ANK2: variants seen among roughly 807,000 people sequenced by gnomAD.
The protein encoded by ANK2 is ankyrin 2.
ANK2 carries 83 observed loss-of-function variants against 360.5 expected under a neutral mutation model. The ratio of observed to expected loss-of-function variants is 0.23; its 90% CI spans 0.19 to 0.28. The LOEUF is 0.28. ANK2 is among the 10% of genes least tolerant of loss of function. The pLI is 1.00. For synonymous variants in ANK2, 1,740 were observed against 1,759.5 expected (o/e 0.99, Z 0.28); for missense variants, 4,201 against 4,795.7 (o/e 0.88, Z 3.66).
chr4:112,969,376 C>T (rs1217966454), intron 2 of ANK2, among the ~76,000 whole-genome samples: 6 of 152,164 alleles, frequency 3.9e-5, no homozygotes, highest in South Asian at 2.1e-4. Flanking sequence ...TGGCCTAGTC[C>T]GCAATTTTCC....
At chr4:112,779,989 G>A in the ANK2 span, among the ~76,000 whole-genome samples, 4 of 152,238 alleles carry the variant, frequency 2.6e-5, no homozygotes, top group Admixed American at 2.6e-4. Flanking sequence ...TTGGGAGGCC[G>A]AGGTGGGCGG....
chr4:112,957,806 C>T (rs1202237266), intron 2 of ANK2, among the ~76,000 whole-genome samples: 9 of 145,474 alleles, frequency 6.2e-5, no homozygotes, highest in African/African-American at 1.0e-4. Flanking sequence ...GACGGGGCGG[C>T]TGCCGGGCGG....
At chr4:112,957,364 A>G (rs1208317957) in intron 2 of ANK2, among the ~76,000 whole-genome samples, 1 of 152,224 alleles carries the variant, frequency 6.6e-6, no homozygotes, top group Non-Finnish European at 1.5e-5. Context: ...CACAAGGCAG[A>G]AGAATTTTTC....
rs146451704 is a variant in ANK2, at chr4:113,367,247, G to T, written c.11033-319G>T. 2.5e-3 allele frequency among the ~76,000 whole-genome samples: 387 copies of T among 152,072 alleles called. 1 individual carries two copies. The highest frequency in any genetic ancestry group is 8.8e-3 in the African/African-American group (364 of 41,476). On this transcript the variant is annotated intron_variant, in intron 41 of 45. Coordinates refer to ENST00000357077, the MANE Select transcript of ANK2 (RefSeq NM_001148.6). ...TCAGTCAATTCCCACTTGCCATTAG[G>T]TCTCCTTGGCATGTAACACACTCTG...
chr4:113,051,012 T>C (rs1417226329), intron 1 of ANK2, among the ~76,000 whole-genome samples: 1 of 152,134 alleles, frequency 6.6e-6, no homozygotes, highest in African/African-American at 2.4e-5. Context: ...AATCATAGCG[T>C]AGAGATAGTG....
At chr4:112,746,787 C>T in the ANK2 span, among the ~76,000 whole-genome samples, 17 of 152,154 alleles carry the variant, frequency 1.1e-4, no homozygotes, top group African/African-American at 4.1e-4. Flanking sequence ...ACATTTTAAT[C>T]ATGCATAATA....
intron 13 of ANK2, among the ~76,000 whole-genome samples, chr4:113,258,658 A>G (rs570668316): frequency 6.6e-6 from 1 of 152,352 alleles, no homozygotes; most frequent in South Asian, 2.1e-4. Flanking sequence ...CTCTGGGTGT[A>G]GGTGGATTGA....
At chr4:113,368,644 T>C (rs978749845) in intron 42 of ANK2, among the ~76,000 whole-genome samples, 1 of 152,174 alleles carries the variant, frequency 6.6e-6, no homozygotes, top group African/African-American at 2.4e-5. Context: ...AGTCTGAGAA[T>C]AGGGTGTCAT....
At chr4:112,802,846 T>C in the ANK2 span, among the ~76,000 whole-genome samples, 1 of 152,170 alleles carries the variant, frequency 6.6e-6, no homozygotes, top group Non-Finnish European at 1.5e-5. Context: ...CGAGGTGATA[T>C]GTTAGGAATC....
rs561270642 is a variant in ANK2 at position 113,192,613 on chromosome 4, C to T, written c.187-3755C>T. 3.3e-5 allele frequency among the ~76,000 whole-genome samples: 5 copies of T among 152,222 alleles called. No individual in the cohort carries two copies. In the South Asian group the frequency reaches 1.0e-3, roughly 32 times the overall value. The stretch of plus-strand genomic sequence containing the variant: ...TGAGTTTGGATTTTTTGCTCTTCCT[C>T]TTATAAGTGGTAGTGATCTTTGAGG... On this transcript the variant is annotated intron_variant, in intron 2 of 45. Coordinates refer to ENST00000357077, the MANE Select transcript of ANK2 (RefSeq NM_001148.6).
At chr4:113,350,206 A>G in intron 36 of ANK2, 22 bp from the exon 37 acceptor site, 1 of 1,604,386 alleles carries the variant, frequency 6.2e-7, no homozygotes, top group South Asian at 1.1e-5. Flanking sequence ...TAACCATTCA[A>G]TTTATGTATG....
intron 2 of ANK2, among the ~76,000 whole-genome samples, chr4:112,946,974 A>G (rs966570058): frequency 2.6e-5 from 4 of 152,138 alleles, no homozygotes; most frequent in Non-Finnish European, 4.4e-5. Flanking sequence ...CTCAACCCAT[A>G]TTTTCTAGAC....
chr4:113,245,085 A>C (rs1358366978), intron 9 of ANK2, among the ~76,000 whole-genome samples: 1 of 152,112 alleles, frequency 6.6e-6, no homozygotes, highest in Non-Finnish European at 1.5e-5. Context: ...TTTTAGCACT[A>C]AACTTTCCCC....
chr4:113,373,298 T>A lies in ANK2; in HGVS notation c.11708T>A (p.Ile3903Asn), dbSNP rs781227587. The A allele has an allele frequency of 1.9e-6, 3 of 1,614,002 alleles. No individual in the cohort carries two copies. Among genetic ancestry groups the A allele is most frequent in the Non-Finnish European group, 2.5e-6 (3 of 1,180,008 alleles). ...HTVVKKVTRKIIRRYVSSEGT... is the reference protein window; with the variant it reads ...HTVVKKVTRKNIRRYVSSEGT... ...AATACATTTCAGGTTACTAGGAAAA[T>A]CATTAGGCGGTATGTATCCTCTGAA... The change falls in exon 45 of 46, where the codon ATC (isoleucine) becomes AAC (asparagine). Residue 3903 changes from isoleucine (I) to asparagine (N), a missense_variant. Coordinates refer to ENST00000357077, the MANE Select transcript of ANK2 (RefSeq NM_001148.6).
chr4:112,745,596 C>T, the ANK2 span, among the ~76,000 whole-genome samples: 19 of 146,074 alleles, frequency 1.3e-4, no homozygotes, highest in Non-Finnish European at 1.2e-4. Context: ...TGCAATGGCA[C>T]GACCTCGGCT....
At chr4:112,804,955 C>T in the ANK2 span, among the ~76,000 whole-genome samples, 2 of 152,078 alleles carry the variant, frequency 1.3e-5, no homozygotes, top group Admixed American at 6.6e-5. Context: ...AATTGTGACC[C>T]CTTCTCAAAA....
intron 4 of ANK2, among the ~76,000 whole-genome samples, chr4:113,207,307 C>T (rs760911843): frequency 3.9e-5 from 6 of 152,162 alleles, no homozygotes; most frequent in Non-Finnish European, 7.4e-5. Flanking sequence ...TAATCGAAGA[C>T]ATCATCACAT....
the ANK2 span, among the ~76,000 whole-genome samples, chr4:112,800,424 A>G: frequency 2.6e-5 from 4 of 152,152 alleles, no homozygotes; most frequent in East Asian, 7.7e-4. Flanking sequence ...TGTATGATAT[A>G]TTTATACCTC....
At chr4:113,346,172 C>A in intron 35 of ANK2, 150 bp downstream of exon 35, 1 of 947,324 alleles carries the variant, frequency 1.1e-6, no homozygotes, top group Non-Finnish European at 1.6e-6. Context: ...TGATTGAAAG[C>A]ATGTGTAATA....
Sources: gnomAD v4.1 joint callset for allele counts (sites outside exome capture counted in the v4.1 genomes callset) on GRCh38, gnomAD v4.1.1 for gene constraint, MANE v1.5 for transcripts, NCBI Gene and HGNC (gene_info 2026-07-23, HGNC 2026-07-21) for gene names.